Variants in ATF6 observed in about 807,000 individuals in gnomAD.
ATF6 encodes the protein cyclic AMP-dependent transcription factor ATF-6 alpha.
ATF6 carries 53 observed loss-of-function variants against 83.6 expected under a neutral mutation model. The observed-to-expected ratio is 0.63, with a 90% confidence interval of 0.51 to 0.80. The LOEUF is 0.80. ATF6 is among the 30% of genes least tolerant of loss of function. The probability of loss-of-function intolerance (pLI) is 0.00; values close to 1 mark genes in which losing one functional copy is unlikely to be tolerated. For missense variants in ATF6, 744 were observed against 797.9 expected, an observed-to-expected ratio of 0.93 and a Z score of 0.81; for synonymous variants, 288 against 285.8, an observed-to-expected ratio of 1.01 and a Z score of -0.08.
At chr1:161,908,548 TCTAA>T (rs1416672854) in intron 14 of ATF6, among the ~76,000 whole-genome samples, 2 of 147,852 alleles carry the variant, frequency 1.4e-5, no homozygotes, top group East Asian at 2.0e-4. Context: ...TCCATGTTTC[TCTAA>T]CTTTTTCTGG....
At chr1:161,956,496 A>G (rs570914412) in intron 15 of ATF6, among the ~76,000 whole-genome samples, 190 of 152,360 alleles carry the variant, frequency 1.2e-3, no homozygotes, top group African/African-American at 4.1e-3. Context: ...AACATTGGCT[A>G]ACTTATAGAC....
At chr1:161,867,852 C>T (rs1406792497) in intron 14 of ATF6, among the ~76,000 whole-genome samples, 1 of 152,310 alleles carries the variant, frequency 6.6e-6, no homozygotes, top group East Asian at 1.9e-4. Flanking sequence ...TCTCTTTCTC[C>T]TCTCTTTCCA....
At chr1:161,789,177 T>A (rs1307220549) in intron 4 of ATF6, among the ~76,000 whole-genome samples, 2 of 151,468 alleles carry the variant, frequency 1.3e-5, no homozygotes, top group African/African-American at 4.9e-5. Flanking sequence ...TTTGTTATTT[T>A]AAAATGTACA....
intron 7 of ATF6, among the ~76,000 whole-genome samples, chr1:161,804,678 C>CT (rs34697417): frequency 8.3e-4 from 123 of 148,190 alleles, no homozygotes; most frequent in Admixed American, 1.5e-3. Context: ...ACCCCCCTGC[C>CT]TTTTTTTTTT....
intron 1 of ATF6, among the ~76,000 whole-genome samples, chr1:161,776,542 A>G (rs1395145416): frequency 6.6e-6 from 1 of 152,118 alleles, no homozygotes; most frequent in African/African-American, 2.4e-5. Context: ...TATTTTGAGA[A>G]CAGAGCTGAC....
chr1:161,851,696 A>G, intron 10 of ATF6, 26 bp from the exon 11 acceptor site: 3 of 1,547,250 alleles, frequency 1.9e-6, no homozygotes, highest in East Asian at 4.5e-5. Context: ...ATACAAGGAA[A>G]CAAATTTTGT....
intron 7 of ATF6, among the ~76,000 whole-genome samples, chr1:161,810,681 T>G (rs1685433738): frequency 6.6e-6 from 1 of 152,174 alleles, no homozygotes; most frequent in South Asian, 2.1e-4. Flanking sequence ...CTGTACAATT[T>G]AGTGGTACCA....
Position 161,880,584 on chromosome 1 carries a change from A to T in ATF6, c.1719+17272A>T, listed in dbSNP as rs1393332770. Among the ~76,000 whole-genome samples the T allele has an allele frequency of 3.3e-5, 5 of 152,232 alleles. No individual in the cohort carries two copies. In the East Asian group the frequency reaches 5.8e-4, roughly 18 times the overall value. On this transcript the variant is annotated intron_variant, in intron 14 of 15. Transcript: ENST00000367942. Reference sequence around the variant, plus strand: ...AGCAGAATTATTTTGAGATTAATCCATGGTGTTGCTTGTATCAGTAGTTCG... The same window carrying T: ...AGCAGAATTATTTTGAGATTAATCCTTGGTGTTGCTTGTATCAGTAGTTCG...
intron 14 of ATF6, among the ~76,000 whole-genome samples, chr1:161,894,424 C>T (rs1687626065): frequency 6.7e-6 from 1 of 148,766 alleles, no homozygotes; most frequent in African/African-American, 2.5e-5. Flanking sequence ...AGTTCTTAAA[C>T]TTCAAACTTC....
chr1:161,934,672 C>A (rs191986399), intron 15 of ATF6, among the ~76,000 whole-genome samples: 1 of 152,300 alleles, frequency 6.6e-6, no homozygotes, highest in East Asian at 1.9e-4. Context: ...ATTTTTTCCC[C>A]TGTATTTTAC....
intron 6 of ATF6, among the ~76,000 whole-genome samples, chr1:161,794,304 A>C (rs1378273903): frequency 6.6e-6 from 1 of 152,182 alleles, no homozygotes; most frequent in Admixed American, 6.6e-5. Context: ...GGGAGGAAGA[A>C]GGGAAGTATG....
intron 15 of ATF6, among the ~76,000 whole-genome samples, chr1:161,956,121 TA>T (rs1212167379): frequency 6.6e-6 from 1 of 152,208 alleles, no homozygotes; most frequent in East Asian, 1.9e-4. Context: ...ACGTGGGCTC[TA>T]ATGACTTCTG....
rs1571265418 is a variant in ATF6 at position 161,959,604 on chromosome 1, A to G, written c.*950A>G. On this transcript the variant is annotated 3_prime_UTR_variant, in exon 16 of 16. Transcript: ENST00000367942. ...AGAATGGCGTGAACCCGGGAGGCGGAGCTTGCAGTGAGCCGAGATCCCGCC... is the reference window on the plus strand; with the variant it reads ...AGAATGGCGTGAACCCGGGAGGCGGGGCTTGCAGTGAGCCGAGATCCCGCC... 7.1e-6 allele frequency: 1 copy of G among 140,034 alleles called. No individual in the cohort carries two copies. The highest frequency in any genetic ancestry group is 1.5e-5 in the Non-Finnish European group (1 of 66,132). The allele number at this position is 140,034 out of a possible 1,614,324, so 8.7% of individuals were successfully genotyped here.
intron 6 of ATF6, among the ~76,000 whole-genome samples, chr1:161,793,116 T>C (rs927664494): frequency 6.6e-6 from 1 of 152,220 alleles, no homozygotes; most frequent in African/African-American, 2.4e-5. Context: ...ACACCAATGT[T>C]ACATTTGTAC....
chr1:161,923,695 T>G (rs1007510447), intron 15 of ATF6, among the ~76,000 whole-genome samples: 2 of 152,224 alleles, frequency 1.3e-5, no homozygotes, highest in Non-Finnish European at 2.9e-5. Flanking sequence ...AATTAATTAT[T>G]TAGTTTATTA....
At chr1:161,780,959 T>C (rs1375660192) in intron 2 of ATF6, among the ~76,000 whole-genome samples, 4 of 152,168 alleles carry the variant, frequency 2.6e-5, no homozygotes, top group African/African-American at 9.7e-5. Context: ...CAAGCAATCC[T>C]ATTGTTGCTG....
intron 10 of ATF6, 50 bp from the exon 11 acceptor site, chr1:161,851,672 C>A (rs760479276): frequency 2.0e-5 from 27 of 1,322,378 alleles, no homozygotes; most frequent in Non-Finnish European, 1.1e-6. Flanking sequence ...TAGCAAACTT[C>A]TTAGGAATTT....
At chr1:161,876,460 C>A (rs1687218668) in intron 14 of ATF6, among the ~76,000 whole-genome samples, 1 of 151,932 alleles carries the variant, frequency 6.6e-6, no homozygotes, top group Non-Finnish European at 1.5e-5. Flanking sequence ...TAATAACTTA[C>A]AATGTAGGAT....
Position 161,872,590 on chromosome 1 carries a change from T to C in ATF6, c.1719+9278T>C, listed in dbSNP as rs541126180. Among the ~76,000 whole-genome samples, 42 of 151,734 alleles carry C rather than the reference T, an allele frequency of 2.8e-4. 1 individual carries two copies. The South Asian group carries it at 8.7e-3, about 31-fold the overall frequency. The stretch of plus-strand genomic sequence containing the variant: ...GGAAAATAAATCAACTTGTTTATGT[T>C]ATTTTAAAACCTAGAGGTCAAGGAA... On this transcript the variant is annotated intron_variant, in intron 14 of 15. Transcript: ENST00000367942.
Sources: gnomAD v4.1 joint callset for allele counts (sites outside exome capture counted in the v4.1 genomes callset) on GRCh38, gnomAD v4.1.1 for gene constraint, MANE v1.5 for transcripts, NCBI Gene and HGNC (gene_info 2026-07-23, HGNC 2026-07-21) for gene names.